The following BTG4 variants were observed in gnomAD, a reference collection of about 807,000 sequenced individuals.
BTG4 encodes the protein BTG anti-proliferation factor 4.
BTG4 carries 10 observed loss-of-function variants against 19.3 expected under a neutral mutation model. The ratio of observed to expected loss-of-function variants is 0.52; its 90% CI spans 0.32 to 0.88. The LOEUF (loss-of-function observed/expected upper bound fraction) is 0.88, where lower values mean the gene tolerates loss of function less well. Among genes scored for constraint, BTG4 ranks in the 40% least tolerant of loss-of-function variants. The probability of loss-of-function intolerance (pLI) is 0.04; values close to 1 mark genes in which losing one functional copy is unlikely to be tolerated. For synonymous variants in BTG4, 91 were observed against 95.7 expected, an observed-to-expected ratio of 0.95 and a Z score of 0.29; for missense variants, 238 against 281.9, an observed-to-expected ratio of 0.84 and a Z score of 1.11.
the BTG4 span, chr11:111,459,499 C>T: frequency 6.6e-6 from 1 of 152,344 alleles, no homozygotes; most frequent in African/African-American, 2.4e-5. Flanking sequence ...CTAAAGAAAA[C>T]AAATGTAGTG....
At chr11:111,498,932 T>C in intron 1 of BTG4, 130 bp from the exon 2 acceptor site, 1 of 613,844 alleles carries the variant, frequency 1.6e-6, no homozygotes, top group Non-Finnish European at 2.7e-6. Context: ...AAAGAAGTCC[T>C]TAGTAAACTA....
chr11:111,453,364 C>T, the BTG4 span: 3 of 420,912 alleles, frequency 7.1e-6, no homozygotes, highest in Admixed American at 5.0e-5. Flanking sequence ...ATGCTGCTCC[C>T]TCAGCTCGCC....
downstream of BTG4, chr11:111,494,688 G>A (rs891062240): frequency 2.2e-5 from 4 of 182,600 alleles, no homozygotes; most frequent in Non-Finnish European, 4.2e-5. Flanking sequence ...CACTTTGGGA[G>A]GCCGAGACAG....
the BTG4 span, chr11:111,452,456 C>T: frequency 6.6e-6 from 1 of 152,314 alleles, no homozygotes; most frequent in African/African-American, 2.4e-5. Context: ...GGGAAGGGCC[C>T]TTTGCCTCCA....
chr11:111,498,852 T>C, intron 1 of BTG4, 50 bp from the exon 2 acceptor site: 1 of 1,282,478 alleles, frequency 7.8e-7, no homozygotes. Context: ...TGGTTTAACT[T>C]ATTATCAATA....
chr11:111,508,867 A>G (rs1420820920), intron 1 of BTG4, among the ~76,000 whole-genome samples: 1 of 151,270 alleles, frequency 6.6e-6, no homozygotes, highest in Non-Finnish European at 1.5e-5. Context: ...TTAATTATCT[A>G]TATATACACA....
intron 1 of BTG4, among the ~76,000 whole-genome samples, chr11:111,508,227 ACTAATCTC>A (rs1157053144): frequency 1.3e-5 from 2 of 152,324 alleles, no homozygotes; most frequent in South Asian, 4.1e-4. Context: ...ACTGAAATTT[ACTAATCTC>A]CTAAATGGTC....
chr11:111,466,274 T>C (rs1335337654), downstream of BTG4, among the ~76,000 whole-genome samples: 1 of 152,214 alleles, frequency 6.6e-6, no homozygotes, highest in Admixed American at 6.5e-5. Flanking sequence ...CATTCTTTAT[T>C]GTTCTCTCAA....
the BTG4 span, among the ~76,000 whole-genome samples, chr11:111,444,040 T>C: frequency 1.3e-5 from 2 of 152,168 alleles, no homozygotes; most frequent in Non-Finnish European, 1.5e-5. Context: ...TTTAACAGAA[T>C]TATTTTTTAT....
chr11:111,392,664 ATCTTGC>A, the BTG4 span, among the ~76,000 whole-genome samples: 1 of 152,134 alleles, frequency 6.6e-6, no homozygotes, highest in African/African-American at 2.4e-5. Flanking sequence ...ACACCTAGCT[ATCTTGC>A]TCAGAAAGCA....
chr11:111,389,685 C>A, the BTG4 span, among the ~76,000 whole-genome samples: 1 of 152,190 alleles, frequency 6.6e-6, no homozygotes, highest in Non-Finnish European at 1.5e-5. Flanking sequence ...GTTGCTATCA[C>A]TATCTGTGGG....
chr11:111,405,210 C>A, the BTG4 span, among the ~76,000 whole-genome samples: 3 of 151,966 alleles, frequency 2.0e-5, no homozygotes, highest in African/African-American at 4.8e-5. Flanking sequence ...TCGAGGCCAG[C>A]CTGGCCAACA....
chr11:111,467,937 A>G (rs1172802938), intron 5 of BTG4, among the ~76,000 whole-genome samples: 2 of 152,184 alleles, frequency 1.3e-5, no homozygotes, highest in Non-Finnish European at 2.9e-5. Context: ...TATTTCCTAT[A>G]AGAGTCATGG....
upstream of BTG4, chr11:111,513,544 G>T: frequency 1.9e-6 from 1 of 514,466 alleles, no homozygotes. Context: ...AGCTGCCTGT[G>T]CATCATCAAT....
At chr11:111,424,308 C>T in the BTG4 span, among the ~76,000 whole-genome samples, 1 of 152,204 alleles carries the variant, frequency 6.6e-6, no homozygotes, top group Non-Finnish European at 1.5e-5. Context: ...GGCTCTAGAG[C>T]TGGATGACTT....
At chr11:111,497,471 C>G (rs1410004628) in intron 3 of BTG4, 62 bp from the exon 4 acceptor site, 3 of 1,140,300 alleles carry the variant, frequency 2.6e-6, no homozygotes, top group Non-Finnish European at 2.4e-6. Flanking sequence ...GATCTCCAAT[C>G]TTTCCTGGAG....
At chr11:111,501,892 A>G (rs1194701118) in intron 1 of BTG4, among the ~76,000 whole-genome samples, 1 of 152,224 alleles carries the variant, frequency 6.6e-6, no homozygotes, top group Non-Finnish European at 1.5e-5. Context: ...AATTAAGATT[A>G]ATTTAATTCA....
At chr11:111,400,205 T>C in the BTG4 span, among the ~76,000 whole-genome samples, 1 of 152,180 alleles carries the variant, frequency 6.6e-6, no homozygotes, top group East Asian at 1.9e-4. Context: ...AAAGGGAGGA[T>C]ACCAGAGCAA....
At chr11:111,473,908 G>A (rs1392984899) in intron 5 of BTG4, among the ~76,000 whole-genome samples, 1 of 152,080 alleles carries the variant, frequency 6.6e-6, no homozygotes, top group African/African-American at 2.4e-5. Flanking sequence ...ACCAACTGCT[G>A]TTTTACAAAA....
Sources: allele counts gnomAD v4.1 joint callset (sites outside exome capture counted in the v4.1 genomes callset), GRCh38; gene constraint gnomAD v4.1.1; transcripts MANE v1.5; gene names NCBI Gene and HGNC (gene_info 2026-07-23, HGNC 2026-07-21).